UNC13C: variants seen among roughly 807,000 people sequenced by gnomAD.
The protein encoded by UNC13C is unc-13 homolog C.
A neutral mutation model predicts 245.4 loss-of-function variants in UNC13C; 174 were observed. The ratio of observed to expected loss-of-function variants is 0.71; its 90% confidence interval spans 0.63 to 0.80. The LOEUF (loss-of-function observed/expected upper bound fraction) is 0.80, where lower values mean the gene tolerates loss of function less well. UNC13C is among the 30% of genes least tolerant of loss of function. The probability of loss-of-function intolerance (pLI) is 0.00; values close to 1 mark genes in which losing one functional copy is unlikely to be tolerated. For synonymous variants in UNC13C, 992 were observed against 895.1 expected (o/e 1.11, Z -1.93); for missense variants, 2,829 against 2,602.9 (o/e 1.09, Z -1.89).
rs1022104775 is a variant in UNC13C, at chr15:54,015,352, C to G, written c.2449C>G (p.Gln817Glu). 1 of 1,613,836 alleles carries G rather than the reference C, an allele frequency of 6.2e-7. No homozygotes were observed. The highest frequency in any genetic ancestry group is 8.5e-7 in the Non-Finnish European group (1 of 1,179,830). ...GGAAGTAGTATGGAACAAAAGCACA[C>G]AGAGTCTGAGTGGGTATGAGGACAG... ...ALEVVWNKST[Q>E]SLSGYEDSGS... Residue 817 changes from glutamine to glutamate, a missense_variant, in exon 2 of 33, where the codon CAG (glutamine) becomes GAG (glutamate). Transcript: ENST00000260323.
chr15:54,050,953 C>T (rs1192497765), intron 2 of UNC13C: 1 of 532,036 alleles, frequency 1.9e-6, no homozygotes, highest in Non-Finnish European at 3.8e-6. Context: ...GTGGCAATTG[C>T]TTTCATATAG....
chr15:54,350,326 A>C (rs1366549829), intron 17 of UNC13C, among the ~76,000 whole-genome samples: 1 of 152,218 alleles, frequency 6.6e-6, no homozygotes, highest in Non-Finnish European at 1.5e-5. Context: ...ACAAAACAAT[A>C]ATAAACATTT....
At chr15:54,181,407 T>C (rs1255258148) in intron 4 of UNC13C, among the ~76,000 whole-genome samples, 1 of 152,140 alleles carries the variant, frequency 6.6e-6, no homozygotes, top group Non-Finnish European at 1.5e-5. Flanking sequence ...TGTGGCTTTA[T>C]AGTATAGTTT....
intron 4 of UNC13C, among the ~76,000 whole-genome samples, chr15:54,200,534 C>T (rs72748238): frequency 0.19 from 28,117 of 151,904 alleles, 3,162 homozygotes; most frequent in Middle Eastern, 0.29. Flanking sequence ...CAAAACCGTG[C>T]AAATACGTGG....
At position 54,548,208 on chromosome 15, in the gene UNC13C, C is replaced by CTTTTTTTTTTTTTT. The variant is rs60975842; in HGVS notation, c.5820+1380_5820+1393dup. Among the ~76,000 whole-genome samples the CTTTTTTTTTTTTTT allele has an allele frequency of 1.1e-4, 7 of 61,876 alleles. 2 individuals are homozygous for CTTTTTTTTTTTTTT. Among genetic ancestry groups the CTTTTTTTTTTTTTT allele is most frequent in the African/African-American group, 2.6e-4 (6 of 22,890 alleles). The allele number at this position is 61,876 out of a possible 152,430, so 40.6% of individuals were successfully genotyped here. A position where few individuals can be genotyped will look rare whatever the true frequency, so the allele number is the denominator to read the frequency against. On this transcript the variant is annotated intron_variant, in intron 27 of 32. Coordinates refer to ENST00000260323, the MANE Select transcript of UNC13C (RefSeq NM_001080534.3). ...TGTTGTTGTTGTTTTGTTTCTTTTG[C>CTTTTTTTTTTTTTT]TTTTTTTTTTTTTTTTTTTTTTTTT...
At chr15:53,852,118 A>T in the UNC13C span, among the ~76,000 whole-genome samples, 8 of 152,238 alleles carry the variant, frequency 5.3e-5, 1 homozygote, top group South Asian at 8.3e-4. Flanking sequence ...GTCTTGCAGG[A>T]TTCAGCTTTC....
At chr15:54,121,099 C>A (rs76418417) in intron 2 of UNC13C, among the ~76,000 whole-genome samples, 3,060 of 152,210 alleles carry the variant, frequency 0.02, 73 homozygotes, top group East Asian at 0.089. Context: ...GAAAGAATTC[C>A]TGCTGTGGGT....
At chr15:54,166,419 T>G (rs1178111369) in intron 4 of UNC13C, among the ~76,000 whole-genome samples, 1 of 151,870 alleles carries the variant, frequency 6.6e-6, no homozygotes, top group Non-Finnish European at 1.5e-5. Flanking sequence ...TGTACAAAAT[T>G]ATATATATTT....
rs76059699 is a variant in UNC13C, at chr15:54,408,199, C to G, written c.4848-6783C>G. On this transcript the variant is annotated intron_variant, in intron 18 of 32. Transcript: ENST00000260323. The stretch of plus-strand genomic sequence containing the variant: ...TGGGTGACAGAGTGAGACTCTGCCT[C>G]AAAAAAAAAAAAAAAAAAAAAAAAA... Among the ~76,000 whole-genome samples the G allele has an allele frequency of 1.4e-4, 4 of 29,126 alleles. No homozygotes were observed. In the South Asian group the frequency reaches 0.01, roughly 75 times the overall value. 19.1% of individuals were successfully genotyped at this position (29,126 alleles called of 152,430 possible). A position where few individuals can be genotyped will look rare whatever the true frequency, so the allele number is the denominator to read the frequency against.
chr15:54,059,917 G>T (rs1355880434), intron 2 of UNC13C, among the ~76,000 whole-genome samples: 2 of 152,188 alleles, frequency 1.3e-5, no homozygotes, highest in African/African-American at 2.4e-5. Context: ...TAGCCATATG[G>T]AGAAAGCTGA....
the UNC13C span, among the ~76,000 whole-genome samples, chr15:53,858,155 G>T: frequency 6.6e-6 from 1 of 151,722 alleles, no homozygotes; most frequent in African/African-American, 2.4e-5. Flanking sequence ...TATAATTTTG[G>T]TGGCTAGATA....
downstream of UNC13C, chr15:54,632,869 A>C (rs1901481336): frequency 6.6e-6 from 1 of 152,210 alleles, no homozygotes; most frequent in Non-Finnish European, 1.5e-5. Context: ...ACTCTCTATA[A>C]AAATTTTAAC....
the UNC13C span, among the ~76,000 whole-genome samples, chr15:53,896,170 A>G: frequency 6.6e-6 from 1 of 152,042 alleles, no homozygotes; most frequent in East Asian, 1.9e-4. Flanking sequence ...TGAATATCAT[A>G]TAAACACATT....
the UNC13C span, among the ~76,000 whole-genome samples, chr15:53,893,402 C>T: frequency 3.3e-5 from 5 of 152,320 alleles, no homozygotes; most frequent in South Asian, 1.0e-3. Context: ...GTTTGCTGCT[C>T]TCTTCAGAGC....
chr15:54,375,338 AT>A (rs1431537928), intron 17 of UNC13C, among the ~76,000 whole-genome samples: 1 of 152,214 alleles, frequency 6.6e-6, no homozygotes, highest in Non-Finnish European at 1.5e-5. Context: ...GTTGAAATAA[AT>A]TTAACCCTGT....
the UNC13C span, among the ~76,000 whole-genome samples, chr15:53,895,076 T>G: frequency 1.3e-5 from 2 of 152,090 alleles, no homozygotes; most frequent in Admixed American, 1.3e-4. Flanking sequence ...AGAAATTTTT[T>G]GTCGAGGCTG....
At chr15:54,080,937 G>C (rs545982997) in intron 2 of UNC13C, among the ~76,000 whole-genome samples, 1 of 152,048 alleles carries the variant, frequency 6.6e-6, no homozygotes, top group East Asian at 1.9e-4. Flanking sequence ...TTTTGGTGTA[G>C]GCATTTAGCG....
At chr15:54,060,869 C>CA (rs1026953996) in intron 2 of UNC13C, among the ~76,000 whole-genome samples, 8 of 151,516 alleles carry the variant, frequency 5.3e-5, no homozygotes, top group Non-Finnish European at 1.0e-4. Context: ...ATCACAAGGA[C>CA]AAAAAACCAA....
At chr15:54,620,778 C>G (rs1900747486) in intron 30 of UNC13C, among the ~76,000 whole-genome samples, 1 of 104,262 alleles carries the variant, frequency 9.6e-6, no homozygotes, top group Non-Finnish European at 2.0e-5. Context: ...AGAGCAAGAC[C>G]CTGTCTCAAA....
Sources: allele counts gnomAD v4.1 joint callset (sites outside exome capture counted in the v4.1 genomes callset), GRCh38; gene constraint gnomAD v4.1.1; transcripts MANE v1.5; gene names NCBI Gene and HGNC (gene_info 2026-07-23, HGNC 2026-07-21).